The following NRXN3 variants were observed in gnomAD, a reference collection of about 807,000 sequenced individuals.
NRXN3 encodes neurexin III.
A neutral mutation model predicts 137.6 loss-of-function variants in NRXN3; 32 were observed. The ratio of observed to expected loss-of-function variants is 0.23; its 90% CI spans 0.18 to 0.31. The LOEUF (loss-of-function observed/expected upper bound fraction) is 0.31, where lower values mean the gene tolerates loss of function less well. Ranked by LOEUF, NRXN3 falls within the 10% of genes least tolerant of loss-of-function variation. The pLI is 1.00. For synonymous variants in NRXN3, 798 were observed against 784.5 expected, an observed-to-expected ratio of 1.02 and a Z score of -0.29; for missense variants, 1,574 against 2,062.5, an observed-to-expected ratio of 0.76 and a Z score of 4.59.
At chr14:79,544,663 AT>A (rs5809942) in intron 16 of NRXN3, among the ~76,000 whole-genome samples, 41,000 of 152,050 alleles carry the variant, frequency 0.27, 6,359 homozygotes, top group African/African-American at 0.42. Flanking sequence ...CAATAGTTCT[AT>A]GAATTGAAAT....
intron 15 of NRXN3, among the ~76,000 whole-genome samples, chr14:79,338,993 C>T (rs111478446): frequency 4.6e-5 from 7 of 152,130 alleles, no homozygotes; most frequent in Admixed American, 1.3e-4. Flanking sequence ...TTCTGTAGGG[C>T]GACCCATTTG....
intron 15 of NRXN3, among the ~76,000 whole-genome samples, chr14:79,388,156 C>G (rs1173248478): frequency 6.6e-6 from 1 of 151,806 alleles, no homozygotes; most frequent in African/African-American, 2.4e-5. Flanking sequence ...CCCCCTTATT[C>G]TCTCTTGCTC....
At chr14:78,235,151 T>C (rs910858339) in intron 1 of NRXN3, among the ~76,000 whole-genome samples, 1 of 151,638 alleles carries the variant, frequency 6.6e-6, no homozygotes, top group African/African-American at 2.4e-5. Flanking sequence ...GAGGATCAAG[T>C]TGCATTCCTT....
At position 79,495,525 on chromosome 14, in the gene NRXN3, A is replaced by G. The variant is rs558778702; in HGVS notation, c.3444+28123A>G. Among the ~76,000 whole-genome samples the G allele has an allele frequency of 1.2e-4, 18 of 152,310 alleles. No individual in the cohort carries two copies. The South Asian group carries it at 2.7e-3, about 23-fold the overall frequency. Reference sequence around the variant, plus strand: ...TCAAAAGACCCATTACCCCTGTTAAAGTATGTAAATTCAGGGGCAAATTAT... The same window carrying G: ...TCAAAAGACCCATTACCCCTGTTAAGGTATGTAAATTCAGGGGCAAATTAT... On this transcript the variant is annotated intron_variant, in intron 16 of 20. Coordinates refer to ENST00000335750, the MANE Select transcript of NRXN3 (RefSeq NM_001330195.2).
intron 19 of NRXN3, among the ~76,000 whole-genome samples, chr14:79,741,049 T>C (rs1048454829): frequency 2.0e-5 from 3 of 152,062 alleles, no homozygotes; most frequent in African/African-American, 7.2e-5. Flanking sequence ...GAGGATCCAC[T>C]ATATTAAATT....
chr14:79,102,433 A>C (rs893284729), intron 15 of NRXN3, among the ~76,000 whole-genome samples: 2 of 152,118 alleles, frequency 1.3e-5, no homozygotes, highest in South Asian at 2.1e-4. Context: ...TGGCCTCCTG[A>C]CTTTGTTCAC....
chr14:79,069,695 C>A (rs1000427191), intron 15 of NRXN3, among the ~76,000 whole-genome samples: 3 of 152,090 alleles, frequency 2.0e-5, no homozygotes, highest in African/African-American at 7.2e-5. Flanking sequence ...ACATTTGAGT[C>A]TCAAGATCTG....
intron 4 of NRXN3, among the ~76,000 whole-genome samples, chr14:78,358,392 A>G (rs1253707089): frequency 1.3e-5 from 2 of 152,202 alleles, no homozygotes; most frequent in African/African-American, 2.4e-5. Context: ...TGGAACCAGG[A>G]TTCTAACCCA....
chr14:79,104,018 C>T (rs1248131799), intron 15 of NRXN3, among the ~76,000 whole-genome samples: 3 of 152,064 alleles, frequency 2.0e-5, no homozygotes, highest in Admixed American at 1.3e-4. Flanking sequence ...ACATAAATAC[C>T]CATGCCTGCA....
intron 4 of NRXN3, among the ~76,000 whole-genome samples, chr14:78,316,422 T>A (rs1312811955): frequency 4.6e-5 from 7 of 152,212 alleles, no homozygotes; most frequent in Admixed American, 4.6e-4. Flanking sequence ...ATTTTGGGGT[T>A]ATTGTTTCAG....
chr14:78,248,314 C>CCCCCCCCCCCCCCCCCCT (rs71131639), intron 2 of NRXN3, among the ~76,000 whole-genome samples: 1 of 47,554 alleles, frequency 2.1e-5, no homozygotes. Context: ...CCCCCCCCCC[C>CCCCCCCCCCCCCCCCCCT]CCACCCGCCA....
At chr14:78,500,887 C>G (rs750049430) in intron 4 of NRXN3, among the ~76,000 whole-genome samples, 1 of 152,162 alleles carries the variant, frequency 6.6e-6, no homozygotes, top group Non-Finnish European at 1.5e-5. Flanking sequence ...TCCCAGCCTT[C>G]AAAAACTTAT....
chr14:79,725,734 T>C (rs1033096123), intron 19 of NRXN3, among the ~76,000 whole-genome samples: 3 of 152,136 alleles, frequency 2.0e-5, no homozygotes, highest in Non-Finnish European at 4.4e-5. Flanking sequence ...TCGCTAATGG[T>C]CTGGTATACT....
chr14:78,709,447 C>T lies in NRXN3; in HGVS notation c.1452C>T (p.Ile484=), dbSNP rs762162816. The T allele has an allele frequency of 6.2e-7, 1 of 1,614,118 alleles. No homozygotes were observed. Among genetic ancestry groups the T allele is most frequent in the South Asian group, 1.1e-5 (1 of 91,084 alleles). ...DFRTTEPNGL[I]LFTHGKPQER... is the part of the protein sequence containing the mutation. The stretch of plus-strand genomic sequence containing the variant: ...GCACCACAGAGCCCAATGGCCTGAT[C>T]CTCTTCACTCATGGAAAGCCCCAAG... Residue 484 remains isoleucine, a synonymous_variant, in exon 7 of 21, where the codon ATC becomes ATT. Transcript: ENST00000335750.
intron 15 of NRXN3, chr14:79,314,210 AC>A (rs2087794511): frequency 7.2e-6 from 1 of 138,186 alleles, no homozygotes; most frequent in Non-Finnish European, 1.6e-5. Flanking sequence ...GTGTGCGCGC[AC>A]CGTGCGCGAG....
chr14:78,283,658 GCCACCACGC>G (rs1430517182), intron 3 of NRXN3, among the ~76,000 whole-genome samples: 1 of 152,082 alleles, frequency 6.6e-6, no homozygotes, highest in African/African-American at 2.4e-5. Flanking sequence ...ACAGGTGTGT[GCCACCACGC>G]CCAGCAAATT....
chr14:79,820,220 C>T (rs2099267286), intron 20 of NRXN3, among the ~76,000 whole-genome samples: 1 of 152,162 alleles, frequency 6.6e-6, no homozygotes, highest in African/African-American at 2.4e-5. Flanking sequence ...CTTGGTGACA[C>T]AGGCAGTGAA....
chr14:79,541,262 G>A (rs1037974389), intron 16 of NRXN3, among the ~76,000 whole-genome samples: 4 of 152,126 alleles, frequency 2.6e-5, no homozygotes, highest in Non-Finnish European at 4.4e-5. Flanking sequence ...AATTAGCCGG[G>A]TGTGGTGGCG....
chr14:79,447,312 C>T (rs954994951), intron 15 of NRXN3, among the ~76,000 whole-genome samples: 2 of 152,004 alleles, frequency 1.3e-5, no homozygotes, highest in African/African-American at 4.8e-5. Flanking sequence ...AGAGTATATA[C>T]CCCTCAGGAT....
Sources: allele counts gnomAD v4.1 joint callset (sites outside exome capture counted in the v4.1 genomes callset), GRCh38; gene constraint gnomAD v4.1.1; transcripts MANE v1.5; gene names NCBI Gene and HGNC (gene_info 2026-07-23, HGNC 2026-07-21).